The following TSKU variants were observed in gnomAD, a reference collection of about 807,000 sequenced individuals.
TSKU encodes the protein tsukushi, small leucine rich proteoglycan.
A neutral mutation model predicts 11.2 loss-of-function variants in TSKU; 4 were observed. The ratio of observed to expected loss-of-function variants is 0.36; its 90% CI spans 0.18 to 0.82. The LOEUF is 0.82. TSKU is among the 40% of genes least tolerant of loss of function. The pLI, the probability that TSKU is intolerant of heterozygous loss-of-function variation, is 0.50. For missense variants in TSKU, 407 were observed against 482.5 expected, an observed-to-expected ratio of 0.84 and a Z score of 1.47; for synonymous variants, 220 against 232.2, an observed-to-expected ratio of 0.95 and a Z score of 0.48.
Position 76,795,753 on chromosome 11 carries a change from G to C in TSKU, c.137G>C (p.Gly46Ala). The C allele has an allele frequency of 6.2e-7, 1 of 1,614,178 alleles. No individual in the cohort carries two copies. The highest frequency in any genetic ancestry group is 8.5e-7 in the Non-Finnish European group (1 of 1,180,040). ...SFSLTRVDCSGLGPHIMPVPI... is the reference protein window; with the variant it reads ...SFSLTRVDCSALGPHIMPVPI... Reference sequence around the variant, plus strand: ...AGCCTGACTCGGGTGGATTGTAGCGGCCTGGGCCCCCACATCATGCCGGTG... The same window carrying C: ...AGCCTGACTCGGGTGGATTGTAGCGCCCTGGGCCCCCACATCATGCCGGTG... The change falls in exon 2 of 2, where the codon GGC becomes GCC. Residue 46 changes from glycine to alanine, a missense_variant. Coordinates refer to ENST00000333090, the MANE Select transcript of TSKU (RefSeq NM_015516.4).
intron 1 of TSKU, chr11:76,792,844 G>A (rs1944392161): frequency 6.5e-6 from 1 of 152,898 alleles, no homozygotes; most frequent in Non-Finnish European, 1.5e-5. Context: ...CATGAAAACA[G>A]ACTAATACAA....
At chr11:76,784,212 G>T (rs1395728065) in intron 1 of TSKU, 1 of 152,646 alleles carries the variant, frequency 6.6e-6, no homozygotes, top group East Asian at 1.9e-4. Flanking sequence ...CTGGGGAGAG[G>T]AAGGGACAGG....
At chr11:76,785,474 T>A (rs1033166301) in intron 1 of TSKU, among the ~76,000 whole-genome samples, 7 of 152,148 alleles carry the variant, frequency 4.6e-5, no homozygotes, top group Non-Finnish European at 8.8e-5. Flanking sequence ...TTCCTCCTGC[T>A]CATGGTTTTG....
chr11:76,789,934 G>T (rs186744373), intron 1 of TSKU, among the ~76,000 whole-genome samples: 27 of 152,128 alleles, frequency 1.8e-4, no homozygotes, highest in African/African-American at 5.8e-4. Flanking sequence ...TCCAAAGCTG[G>T]TGTTAGTGAT....
Position 76,796,751 on chromosome 11 carries a change from C to CA in TSKU, c.*75dup. 2 of 1,228,568 alleles carry CA rather than the reference C, an allele frequency of 1.6e-6. No individual in the cohort carries two copies. Among genetic ancestry groups the CA allele is most frequent in the Non-Finnish European group, 2.2e-6 (2 of 917,486 alleles). The allele number at this position is 1,228,568 out of a possible 1,614,324, so 76.1% of individuals were successfully genotyped here. A position where few individuals can be genotyped will look rare whatever the true frequency, so the allele number is the denominator to read the frequency against. On this transcript the variant is annotated 3_prime_UTR_variant, in exon 2 of 2. Transcript: ENST00000333090. This position sits in a 1 kb window ranked among gnomAD's most constrained non-coding sequence, Gnocchi z 4.1. ...CCTCAGGTCCCGAGTAACTTATGTT[C>CA]AATGTGCCAACACCAGTGGGGAGCC...
intron 1 of TSKU, among the ~76,000 whole-genome samples, chr11:76,793,437 T>G (rs1944400343): frequency 6.6e-6 from 1 of 152,070 alleles, no homozygotes; most frequent in Non-Finnish European, 1.5e-5. Context: ...AGCATTTGGG[T>G]CGTATTTTGA....
At chr11:76,783,136 C>CT (rs956133856), upstream of TSKU, 8 of 152,146 alleles carry the variant, frequency 5.3e-5, no homozygotes, top group Non-Finnish European at 1.2e-4. Flanking sequence ...GAGCAGCGCA[C>CT]TTTTGAGACG....
rs1172039767 is a variant in TSKU, at chr11:76,797,910, C to T, written c.*1232C>T. Reference sequence around the variant, plus strand: ...ACCGGCCTCCCCTACCCCTGCTGGCCGGGGATGGAGACATGTCATTTGTAA... The same window carrying T: ...ACCGGCCTCCCCTACCCCTGCTGGCTGGGGATGGAGACATGTCATTTGTAA... On this transcript the variant is annotated 3_prime_UTR_variant, in exon 2 of 2. Coordinates refer to ENST00000333090, the MANE Select transcript of TSKU (RefSeq NM_015516.4). 6.0e-6 allele frequency: 1 copy of T among 167,110 alleles called. No homozygotes were observed. Among genetic ancestry groups the T allele is most frequent in the Non-Finnish European group, 1.5e-5 (1 of 68,144 alleles). 10.4% of individuals were successfully genotyped at this position (167,110 alleles called of 1,614,324 possible).
Position 76,790,256 on chromosome 11 carries a change from T to C in TSKU, c.-8-5353T>C, listed in dbSNP as rs145457494. The stretch of plus-strand genomic sequence containing the variant: ...CCATGGCAGAGCAGGCACTGAGACC[T>C]AGGGCTCCTGACCATCCTGCAGGAC... On this transcript the variant is annotated intron_variant, in intron 1 of 1. Coordinates refer to ENST00000333090, the MANE Select transcript of TSKU (RefSeq NM_015516.4). 3.2e-4 allele frequency among the ~76,000 whole-genome samples: 49 copies of C among 152,218 alleles called. No individual in the cohort carries two copies. The East Asian group carries it at 9.1e-3, about 28-fold the overall frequency.
intron 1 of TSKU, among the ~76,000 whole-genome samples, chr11:76,785,340 G>C (rs745393153): frequency 1.5e-4 from 23 of 152,226 alleles, no homozygotes; most frequent in Admixed American, 9.2e-4. Context: ...TTCAGAGCAA[G>C]GCTGGCCTGG....
intron 1 of TSKU, among the ~76,000 whole-genome samples, chr11:76,795,341 G>A (rs578039546): frequency 1.1e-4 from 16 of 152,366 alleles, no homozygotes; most frequent in Admixed American, 5.9e-4. Context: ...GACCAGGCCC[G>A]CCTTCATCTG....
At chr11:76,786,827 G>A (rs923800330) in intron 1 of TSKU, among the ~76,000 whole-genome samples, 1 of 152,204 alleles carries the variant, frequency 6.6e-6, no homozygotes, top group Admixed American at 6.5e-5. Flanking sequence ...TCTCCTGGGA[G>A]TGCCTTGTCA....
chr11:76,796,330 C>G lies in TSKU; in HGVS notation c.714C>G (p.Ser238Arg). Residue 238 changes from serine to arginine, a missense_variant, in exon 2 of 2, where the codon AGC (serine) becomes AGG (arginine). Coordinates refer to ENST00000333090, the MANE Select transcript of TSKU (RefSeq NM_015516.4). The surrounding 1 kb of genome is among the most constrained non-coding windows in gnomAD (Gnocchi z 4.1). The part of the protein sequence containing the change: ...LGGLTHLSLA[S>R]LQRLPELAPS... ...GCCTTACACACCTGTCTCTGGCCAG[C>G]CTGCAGAGGCTCCCTGAGCTGGCGC... is the stretch of plus-strand genomic sequence containing the variant. 1.2e-6 allele frequency: 2 copies of G among 1,613,370 alleles called. No individual in the cohort carries two copies. Among genetic ancestry groups the G allele is most frequent in the Non-Finnish European group, 1.7e-6 (2 of 1,180,008 alleles).
At chr11:76,790,821 G>C (rs59139243) in intron 1 of TSKU, among the ~76,000 whole-genome samples, 18,020 of 152,164 alleles carry the variant, frequency 0.12, 1,548 homozygotes, top group African/African-American at 0.25. Flanking sequence ...AGTAGAGTGG[G>C]GGCATTGCTG....
At chr11:76,785,717 T>A (rs1163230200) in intron 1 of TSKU, among the ~76,000 whole-genome samples, 1 of 152,062 alleles carries the variant, frequency 6.6e-6, no homozygotes, top group African/African-American at 2.4e-5. Flanking sequence ...AATGGAGAGC[T>A]CCTGGAGGAT....
intron 1 of TSKU, among the ~76,000 whole-genome samples, chr11:76,794,865 G>T (rs1219889812): frequency 6.6e-6 from 1 of 152,180 alleles, no homozygotes; most frequent in Non-Finnish European, 1.5e-5. Flanking sequence ...AGGCCCCATT[G>T]CAGGGAGGGA....
rs1275705118 is a variant in TSKU at position 76,795,736 on chromosome 11, T to G, written c.120T>G (p.Thr40=). ...GCCTTTTCGACAGCTTCAGCCTGAC[T>G]CGGGTGGATTGTAGCGGCCTGGGCC... ...TFGLFDSFSL[T]RVDCSGLGPH... Residue 40 remains threonine (T), a synonymous_variant, in exon 2 of 2, where the codon ACT becomes ACG. Transcript: ENST00000333090. 1.2e-6 allele frequency: 2 copies of G among 1,614,168 alleles called. No individual in the cohort carries two copies. Among genetic ancestry groups the G allele is most frequent in the Admixed American group, 3.3e-5 (2 of 60,036 alleles).
In TSKU at chr11:76,794,261, G is replaced by A. The variant is rs564707684; in HGVS notation, c.-8-1348G>A. Among the ~76,000 whole-genome samples the A allele has an allele frequency of 7.0e-4, 106 of 152,358 alleles. 1 individual carries two copies. Among genetic ancestry groups the A allele is most frequent in the African/African-American group, 7.0e-4 (29 of 41,590 alleles). On this transcript the variant is annotated intron_variant, in intron 1 of 1. Coordinates refer to ENST00000333090, the MANE Select transcript of TSKU (RefSeq NM_015516.4). Reference sequence around the variant, plus strand: ...CACCATCCCAGGAGCTACAGTGGACGTGAACACAGGCTTTGAATCCAACAG... The same window carrying A: ...CACCATCCCAGGAGCTACAGTGGACATGAACACAGGCTTTGAATCCAACAG...
At chr11:76,785,959 A>C (rs1249705341) in intron 1 of TSKU, among the ~76,000 whole-genome samples, 1 of 152,244 alleles carries the variant, frequency 6.6e-6, no homozygotes, top group African/African-American at 2.4e-5. Context: ...TGGTGTATTA[A>C]ATAAGATAAT....
Sources: allele counts gnomAD v4.1 joint callset (sites outside exome capture counted in the v4.1 genomes callset), GRCh38; gene constraint gnomAD v4.1.1; non-coding constraint Gnocchi (gnomAD v3.1); transcripts MANE v1.5; gene names NCBI Gene and HGNC (gene_info 2026-07-23, HGNC 2026-07-21).